Variants in GYS2 observed in about 807,000 individuals in gnomAD.
The protein encoded by GYS2 is glycogen synthase 2, also known as glycogen [starch] synthase, liver.
A neutral mutation model predicts 85.6 loss-of-function variants in GYS2; 80 were observed. The observed-to-expected ratio is 0.93, with a 90% CI of 0.78 to 1.13. The LOEUF (loss-of-function observed/expected upper bound fraction) is 1.13. Ranked by LOEUF, GYS2 falls within the 50% of genes most tolerant of loss-of-function variation. GYS2 has a pLI of 0.00. For synonymous variants in GYS2, 328 were observed against 300.7 expected (o/e 1.09, Z -0.94); for missense variants, 881 against 854.9 (o/e 1.03, Z -0.38).
chr12:21,595,392 T>C (rs142634920), intron 1 of GYS2, among the ~76,000 whole-genome samples: 3,987 of 152,200 alleles, frequency 0.026, 84 homozygotes, highest in Middle Eastern at 0.068. Context: ...AAACACACAC[T>C]CCCACTGGAG....
At chr12:21,581,784 T>C (rs1416929532) in intron 1 of GYS2, among the ~76,000 whole-genome samples, 1 of 152,184 alleles carries the variant, frequency 6.6e-6, no homozygotes, top group Non-Finnish European at 1.5e-5. Flanking sequence ...AGCATTATGA[T>C]GGCAAAAAAT....
Position 21,586,821 on chromosome 12 carries a change from G to A in GYS2, c.122-6298C>T, listed in dbSNP as rs532457872. Among the ~76,000 whole-genome samples the A allele has an allele frequency of 8.5e-5, 13 of 152,208 alleles. No individual in the cohort carries two copies. The East Asian group carries it at 2.5e-3, about 29-fold the overall frequency. ...CATTCAATCCTGCAATCCCACTACT[G>A]GGTATGGACCCAAAGTGAAAGAGAT... On this transcript the variant is annotated intron_variant, in intron 1 of 15. Coordinates refer to ENST00000261195, the MANE Select transcript of GYS2 (RefSeq NM_021957.4).
rs114533495 is a variant in GYS2 at position 21,561,404 on chromosome 12, G to A, written c.1063-912C>T. The stretch of plus-strand genomic sequence containing the variant: ...AGAGTGTGGGGCACTTTACCGTCTA[G>A]TATGCAGCCTCGGCCCTCTAGGGCC... On this transcript the variant is annotated intron_variant, in intron 7 of 15. Transcript: ENST00000261195. Among the ~76,000 whole-genome samples, 522 of 152,308 alleles carry A rather than the reference G, an allele frequency of 3.4e-3. 4 individuals are homozygous for A. The highest frequency in any genetic ancestry group is 0.012 in the African/African-American group (505 of 41,554).
chr12:21,578,224 A>G (rs938547624), intron 2 of GYS2, among the ~76,000 whole-genome samples: 1 of 152,066 alleles, frequency 6.6e-6, no homozygotes, highest in African/African-American at 2.4e-5. Flanking sequence ...ATTTTGTCCT[A>G]CATTATCATC....
At chr12:21,534,827 T>C (rs960658327), downstream of GYS2, among the ~76,000 whole-genome samples, 2 of 152,166 alleles carry the variant, frequency 1.3e-5, no homozygotes, top group African/African-American at 4.8e-5. Context: ...TTCCTGTCCT[T>C]CAATTTATGA....
chr12:21,567,061 G>A (rs976325045), intron 5 of GYS2, among the ~76,000 whole-genome samples: 2 of 152,110 alleles, frequency 1.3e-5, no homozygotes, highest in East Asian at 1.9e-4. Flanking sequence ...GATGTTCACC[G>A]CCTTTAAATG....
chr12:21,587,325 C>G (rs1291599826), intron 1 of GYS2, among the ~76,000 whole-genome samples: 2 of 152,196 alleles, frequency 1.3e-5, no homozygotes, highest in Non-Finnish European at 2.9e-5. Context: ...AGCTTGTACC[C>G]TGATACAGCT....
At chr12:21,562,873 G>T (rs772128889) in intron 7 of GYS2, 45 bp downstream of exon 7, 4 of 1,607,124 alleles carry the variant, frequency 2.5e-6, no homozygotes, top group African/African-American at 2.7e-5. Flanking sequence ...ACAGAAGAAA[G>T]TTCTCCCTAC....
intron 3 of GYS2, 21 bp downstream of exon 3, chr12:21,575,845 T>C (rs1320774357): frequency 1.9e-6 from 3 of 1,572,786 alleles, no homozygotes; most frequent in East Asian, 2.2e-5. Flanking sequence ...CTCCGTTGTA[T>C]CACTATATAA....
At chr12:21,572,032 G>A (rs1338546928) in intron 4 of GYS2, among the ~76,000 whole-genome samples, 1 of 151,742 alleles carries the variant, frequency 6.6e-6, no homozygotes, top group Non-Finnish European at 1.5e-5. Context: ...GAAAACTAAA[G>A]GCTTTAGAGG....
At chr12:21,589,815 T>G (rs1944614765) in intron 1 of GYS2, among the ~76,000 whole-genome samples, 1 of 152,154 alleles carries the variant, frequency 6.6e-6, no homozygotes, top group Non-Finnish European at 1.5e-5. Flanking sequence ...GAGCTCTCAC[T>G]GGGTCCCACC....
At chr12:21,595,274 C>T (rs917689472) in intron 1 of GYS2, among the ~76,000 whole-genome samples, 3 of 152,114 alleles carry the variant, frequency 2.0e-5, no homozygotes, top group Non-Finnish European at 4.4e-5. Context: ...CTGAGAGGAC[C>T]CACAGACCCT....
At chr12:21,587,237 C>CA (rs1379630600) in intron 1 of GYS2, among the ~76,000 whole-genome samples, 1 of 152,120 alleles carries the variant, frequency 6.6e-6, no homozygotes, top group African/African-American at 2.4e-5. Flanking sequence ...GGATTGGATA[C>CA]AACATTCACT....
At chr12:21,586,437 ATCTATC>A (rs1408246075) in intron 1 of GYS2, among the ~76,000 whole-genome samples, 1 of 151,714 alleles carries the variant, frequency 6.6e-6, no homozygotes, top group African/African-American at 2.4e-5. Flanking sequence ...CTATCTATCT[ATCTATC>A]TATCTATCTA....
At chr12:21,550,393 A>G (rs1448816302) in intron 11 of GYS2, among the ~76,000 whole-genome samples, 1 of 151,672 alleles carries the variant, frequency 6.6e-6, no homozygotes, top group African/African-American at 2.4e-5. Flanking sequence ...ATATTGGGTC[A>G]ATCTTCTTCT....
At chr12:21,559,253 T>C (rs1046498521) in intron 9 of GYS2, 84 bp from the exon 10 acceptor site, 1 of 660,960 alleles carries the variant, frequency 1.5e-6, no homozygotes, top group Non-Finnish European at 2.6e-6. Context: ...ATATATTATA[T>C]ATTTCATGTA....
At chr12:21,554,391 T>C (rs1011417750) in intron 11 of GYS2, among the ~76,000 whole-genome samples, 1 of 152,182 alleles carries the variant, frequency 6.6e-6, no homozygotes, top group Non-Finnish European at 1.5e-5. Context: ...TCTCCCTGCC[T>C]GTACTTGCTT....
At chr12:21,533,407 T>A (rs1193238893), downstream of GYS2, among the ~76,000 whole-genome samples, 1 of 152,224 alleles carries the variant, frequency 6.6e-6, no homozygotes, top group Admixed American at 6.5e-5. Context: ...TTGAATTACA[T>A]TATTTTATCT....
chr12:21,602,695 C>T (rs1454385454), intron 1 of GYS2, among the ~76,000 whole-genome samples: 1 of 150,390 alleles, frequency 6.6e-6, no homozygotes, highest in Non-Finnish European at 1.5e-5. Flanking sequence ...CAAATTTTTT[C>T]AAAAAAAAAT....
Sources: gnomAD v4.1 joint callset for allele counts (sites outside exome capture counted in the v4.1 genomes callset) on GRCh38, gnomAD v4.1.1 for gene constraint, MANE v1.5 for transcripts, NCBI Gene and HGNC (gene_info 2026-07-23, HGNC 2026-07-21) for gene names.